TNFAIP8L1: variants seen among roughly 807,000 people sequenced by gnomAD.
The protein encoded by TNFAIP8L1 is TNF alpha induced protein 8 like 1.
For missense variants in TNFAIP8L1, 225 were observed against 266.1 expected, an observed-to-expected ratio of 0.85 and a Z score of 1.08; for synonymous variants, 127 against 125.6, an observed-to-expected ratio of 1.01 and a Z score of -0.08.
Position 4,645,720 on chromosome 19 carries a change from A to AG in TNFAIP8L1, c.-4+6091_-4+6092insG, listed in dbSNP as rs1447049509. On this transcript the variant is annotated intron_variant, in intron 1 of 1. Coordinates refer to ENST00000327473, the MANE Select transcript of TNFAIP8L1 (RefSeq NM_152362.3). This position sits in a 1 kb window ranked among gnomAD's most constrained non-coding sequence, Gnocchi z 4.1. The stretch of plus-strand genomic sequence containing the variant: ...AGGATCCGTCTCAAAAAAAAAAAAA[A>AG]AAAGGAATATAGGGAGCAGGGGAAG... Among the ~76,000 whole-genome samples, 1 of 152,040 alleles carries AG rather than the reference A, an allele frequency of 6.6e-6. No homozygotes were observed. The highest frequency in any genetic ancestry group is 2.4e-5 in the African/African-American group (1 of 41,422).
intron 1 of TNFAIP8L1, among the ~76,000 whole-genome samples, chr19:4,643,870 G>A (rs1483833093): frequency 6.6e-6 from 1 of 152,112 alleles, no homozygotes; most frequent in Non-Finnish European, 1.5e-5. Context: ...GAGAGGTGGA[G>A]GTTGCAGTGG....
chr19:4,650,940 T>C (rs1249029799), intron 1 of TNFAIP8L1, among the ~76,000 whole-genome samples: 1 of 152,118 alleles, frequency 6.6e-6, no homozygotes, highest in African/African-American at 2.4e-5. Flanking sequence ...GCCGAGATCG[T>C]GCCACCACAC....
rs2088299732 is a variant in TNFAIP8L1 at position 4,645,295 on chromosome 19, C to A, written c.-4+5666C>A. On this transcript the variant is annotated intron_variant, in intron 1 of 1. Transcript: ENST00000327473. The surrounding 1 kb of genome is among the most constrained non-coding windows in gnomAD (Gnocchi z 4.1). ...GGGCGTGGTGGCTCCCACCTGTAAT[C>A]CCAGCAGTTTGGGAGGCCGAGGCGA... 6.6e-6 allele frequency among the ~76,000 whole-genome samples: 1 copy of A among 152,164 alleles called. No individual in the cohort carries two copies. The highest frequency in any genetic ancestry group is 1.5e-5 in the Non-Finnish European group (1 of 68,038).
In TNFAIP8L1 at chr19:4,641,097, AGGCCCCGCGGTAC is replaced by A. The variant is rs1320020848; in HGVS notation, c.-4+1475_-4+1487del. On this transcript the variant is annotated intron_variant, in intron 1 of 1. Coordinates refer to ENST00000327473, the MANE Select transcript of TNFAIP8L1 (RefSeq NM_152362.3). The surrounding 1 kb of genome is among the most constrained non-coding windows in gnomAD (Gnocchi z 4.6). ...GGCTCTGCAGACGGGTGCAGGTCTG[AGGCCCCGCGGTAC>A]GGCCCCTCCCACTGTGTGGCCTTGG... The A allele has an allele frequency of 6.6e-6, 1 of 152,222 alleles. No individual in the cohort carries two copies. Among genetic ancestry groups the A allele is most frequent in the Non-Finnish European group, 1.5e-5 (1 of 68,108 alleles). The allele number at this position is 152,222 out of a possible 1,614,324, so 9.4% of individuals were successfully genotyped here.
Position 4,652,412 on chromosome 19 carries a change from G to A in TNFAIP8L1, c.543G>A (p.Leu181=). 1 of 1,531,248 alleles carries A rather than the reference G, an allele frequency of 6.5e-7. No individual in the cohort carries two copies. Among genetic ancestry groups the A allele is most frequent in the Non-Finnish European group, 8.8e-7 (1 of 1,136,924 alleles). The allele number at this position is 1,531,248 out of a possible 1,614,324, so 94.9% of individuals were successfully genotyped here. A position where few individuals can be genotyped will look rare whatever the true frequency, so the allele number is the denominator to read the frequency against. ...TCTGCGAGGGCCTGGGCCGGATGCTGGACGAGGGCAGCCTCTGAACCCCGG... is the reference window on the plus strand; with the variant it reads ...TCTGCGAGGGCCTGGGCCGGATGCTAGACGAGGGCAGCCTCTGAACCCCGG... ...RRICEGLGRM[L]DEGSL Residue 181 remains leucine, a synonymous_variant, in exon 2 of 2, where the codon CTG becomes CTA. Transcript: ENST00000327473.
At chr19:4,644,831 C>G (rs138857722) in intron 1 of TNFAIP8L1, among the ~76,000 whole-genome samples, 2 of 151,980 alleles carry the variant, frequency 1.3e-5, no homozygotes, top group East Asian at 3.9e-4. Context: ...GGACTCCCGA[C>G]CTAAGGTGAT....
Position 4,642,236 on chromosome 19 carries a change from T to G in TNFAIP8L1, c.-4+2607T>G, listed in dbSNP as rs183144007. ...TGGCTCACGCCTGTAATCCCAGCACTTTGGGAGGCTGAGGTGGCCGGATCA... is the reference window on the plus strand; with the variant it reads ...TGGCTCACGCCTGTAATCCCAGCACGTTGGGAGGCTGAGGTGGCCGGATCA... On this transcript the variant is annotated intron_variant, in intron 1 of 1. Coordinates refer to ENST00000327473, the MANE Select transcript of TNFAIP8L1 (RefSeq NM_152362.3). The G allele has an allele frequency of 1.6e-3, 241 of 152,040 alleles. 1 individual carries two copies. The highest frequency in any genetic ancestry group is 5.6e-3 in the African/African-American group (233 of 41,438). The allele number at this position is 152,040 out of a possible 1,614,324, so 9.4% of individuals were successfully genotyped here.
In TNFAIP8L1 at chr19:4,653,796, A is replaced by T. The variant is rs1599832102; in HGVS notation, c.*1366A>T. 7.1e-6 allele frequency: 1 copy of T among 141,740 alleles called. No homozygotes were observed. The highest frequency in any genetic ancestry group is 2.2e-4 in the South Asian group (1 of 4,500). 8.8% of individuals were successfully genotyped at this position (141,740 alleles called of 1,614,324 possible). ...AAAAAAAAAAAAAAAAAAAAAAAAA[A>T]AGTGACTGTGGTGGTGCACACGTAT... On this transcript the variant is annotated 3_prime_UTR_variant, in exon 2 of 2. Coordinates refer to ENST00000327473, the MANE Select transcript of TNFAIP8L1 (RefSeq NM_152362.3).
At position 4,655,155 on chromosome 19, in the gene TNFAIP8L1, C is replaced by G. The variant is rs977964484; in HGVS notation, c.*2725C>G. On this transcript the variant is annotated 3_prime_UTR_variant, in exon 2 of 2. Coordinates refer to ENST00000327473, the MANE Select transcript of TNFAIP8L1 (RefSeq NM_152362.3). ...GCAGGGGCCGCCCCTCTCCCTTTCACCACAGTCCTCTCCACTCCCTTTCGC... is the reference window on the plus strand; with the variant it reads ...GCAGGGGCCGCCCCTCTCCCTTTCAGCACAGTCCTCTCCACTCCCTTTCGC... The G allele has an allele frequency of 6.6e-6, 1 of 152,480 alleles. No homozygotes were observed. Among genetic ancestry groups the G allele is most frequent in the South Asian group, 2.1e-4 (1 of 4,834 alleles). 9.4% of individuals were successfully genotyped at this position (152,480 alleles called of 1,614,324 possible).
chr19:4,648,118 G>T (rs760564140), intron 1 of TNFAIP8L1, among the ~76,000 whole-genome samples: 1 of 152,254 alleles, frequency 6.6e-6, no homozygotes, highest in Non-Finnish European at 1.5e-5. Context: ...GGACACTGGG[G>T]TTTGGTTACA....
intron 1 of TNFAIP8L1, among the ~76,000 whole-genome samples, chr19:4,643,063 G>A (rs113099890): frequency 0.023 from 3,470 of 151,950 alleles, 134 homozygotes; most frequent in African/African-American, 0.08. Context: ...TGGATCACCT[G>A]AGGTCAGGAG....
At position 4,655,015 on chromosome 19, in the gene TNFAIP8L1, G is replaced by T. The variant is rs1052167412; in HGVS notation, c.*2585G>T. On this transcript the variant is annotated 3_prime_UTR_variant, in exon 2 of 2. Coordinates refer to ENST00000327473, the MANE Select transcript of TNFAIP8L1 (RefSeq NM_152362.3). The stretch of plus-strand genomic sequence containing the variant: ...CTCCATTCAGTATTTGAGACATTTG[G>T]AATTTGTCTGCATTTAAAACCAAGA... 2 of 152,194 alleles carry T rather than the reference G, an allele frequency of 1.3e-5. No homozygotes were observed. The highest frequency in any genetic ancestry group is 4.8e-5 in the African/African-American group (2 of 41,438). 9.4% of individuals were successfully genotyped at this position (152,194 alleles called of 1,614,324 possible). A position where few individuals can be genotyped will look rare whatever the true frequency, so the allele number is the denominator to read the frequency against.
intron 1 of TNFAIP8L1, chr19:4,642,192 G>T (rs1049808945): frequency 6.6e-6 from 1 of 151,852 alleles, no homozygotes; most frequent in Non-Finnish European, 1.5e-5. Flanking sequence ...AGAAAAAGAA[G>T]AGAATTGGCT....
At chr19:4,643,258 A>G (rs771332254) in intron 1 of TNFAIP8L1, among the ~76,000 whole-genome samples, 12 of 151,640 alleles carry the variant, frequency 7.9e-5, no homozygotes, top group Non-Finnish European at 1.2e-4. Flanking sequence ...CAGCCTGGGC[A>G]ACAGAGTGAG....
chr19:4,646,527 C>CA (rs2088312721), intron 1 of TNFAIP8L1, among the ~76,000 whole-genome samples: 1 of 151,942 alleles, frequency 6.6e-6, no homozygotes, highest in African/African-American at 2.4e-5. Context: ...CCACTCACCC[C>CA]AAAAAAACCT....
chr19:4,643,396 C>G (rs951439800), intron 1 of TNFAIP8L1, among the ~76,000 whole-genome samples: 2 of 152,170 alleles, frequency 1.3e-5, no homozygotes, highest in African/African-American at 2.4e-5. Flanking sequence ...TGAGGCAAGC[C>G]TGTCCCCTCC....
rs1240674177 is a variant in TNFAIP8L1, at chr19:4,645,168, A to G, written c.-4+5539A>G. 6.6e-6 allele frequency among the ~76,000 whole-genome samples: 1 copy of G among 152,196 alleles called. No individual in the cohort carries two copies. Among genetic ancestry groups the G allele is most frequent in the Non-Finnish European group, 1.5e-5 (1 of 68,038 alleles). On this transcript the variant is annotated intron_variant, in intron 1 of 1. Transcript: ENST00000327473. This position sits in a 1 kb window ranked among gnomAD's most constrained non-coding sequence, Gnocchi z 4.1. Reference sequence around the variant, plus strand: ...AGGGACTTGTGACATAATTGCAGCCAGCTCACCAGAGCCACCTCCTGTGTT... The same window carrying G: ...AGGGACTTGTGACATAATTGCAGCCGGCTCACCAGAGCCACCTCCTGTGTT...
Position 4,645,802 on chromosome 19 carries a change from G to A in TNFAIP8L1, c.-3-6065G>A, listed in dbSNP as rs1480685625. Among the ~76,000 whole-genome samples, 1 of 151,978 alleles carries A rather than the reference G, an allele frequency of 6.6e-6. No homozygotes were observed. The highest frequency in any genetic ancestry group is 1.5e-5 in the Non-Finnish European group (1 of 67,980). On this transcript the variant is annotated intron_variant, in intron 1 of 1. Coordinates refer to ENST00000327473, the MANE Select transcript of TNFAIP8L1 (RefSeq NM_152362.3). This position sits in a 1 kb window ranked among gnomAD's most constrained non-coding sequence, Gnocchi z 4.1. ...CACCCATTTTGCAGATGGGAAAGCT[G>A]CCCCCATGCATGGGGCCTGCCAAGG... is the stretch of plus-strand genomic sequence containing the variant.
chr19:4,650,928 G>A (rs1348572243), intron 1 of TNFAIP8L1, among the ~76,000 whole-genome samples: 1 of 152,186 alleles, frequency 6.6e-6, no homozygotes, highest in Non-Finnish European at 1.5e-5. Context: ...AGCTTGCAGT[G>A]AGCCGAGATC....
Sources: gnomAD v4.1 joint callset for allele counts (sites outside exome capture counted in the v4.1 genomes callset) on GRCh38, gnomAD v4.1.1 for gene constraint, Gnocchi (gnomAD v3.1) non-coding constraint, MANE v1.5 for transcripts, NCBI Gene and HGNC (gene_info 2026-07-23, HGNC 2026-07-21) for gene names.